The following ABCD2 variants were observed in gnomAD, a reference collection of about 807,000 sequenced individuals.
ABCD2 encodes the protein ATP-binding cassette sub-family D member 2.
A neutral mutation model predicts 70.9 loss-of-function variants in ABCD2; 36 were observed. The ratio of observed to expected loss-of-function variants is 0.51; its 90% CI spans 0.39 to 0.67. ABCD2 has a LOEUF of 0.67. Among genes scored for constraint, ABCD2 ranks in the 30% least tolerant of loss-of-function variants. The pLI, the probability that ABCD2 is intolerant of heterozygous loss-of-function variation, is 0.00. For synonymous variants in ABCD2, 304 were observed against 306.9 expected (o/e 0.99, Z 0.10); for missense variants, 729 against 890.2 (o/e 0.82, Z 2.30).
chr12:39,552,080 T>C lies in ABCD2; in HGVS notation c.*1832A>G, dbSNP rs1370881743. ...AAAAAATCTTTAATTCCTGCCTCAC[T>C]TTTCTAACAGGAAATATTAGTAACT... On this transcript the variant is annotated 3_prime_UTR_variant, in exon 10 of 10. Coordinates refer to ENST00000308666, the MANE Select transcript of ABCD2 (RefSeq NM_005164.4). 1 of 151,896 alleles carries C rather than the reference T, an allele frequency of 6.6e-6. No homozygotes were observed. The highest frequency in any genetic ancestry group is 1.5e-5 in the Non-Finnish European group (1 of 67,810). The allele number at this position is 151,896 out of a possible 1,614,324, so 9.4% of individuals were successfully genotyped here. A position where few individuals can be genotyped will look rare whatever the true frequency, so the allele number is the denominator to read the frequency against.
chr12:39,558,051 G>C (rs1941196354), intron 9 of ABCD2, among the ~76,000 whole-genome samples: 1 of 152,220 alleles, frequency 6.6e-6, no homozygotes. Context: ...AAAAGCAGCA[G>C]ACACTCAATG....
At chr12:39,591,515 C>T (rs967881136) in intron 6 of ABCD2, among the ~76,000 whole-genome samples, 1 of 152,008 alleles carries the variant, frequency 6.6e-6, no homozygotes, top group Admixed American at 6.6e-5. Context: ...AGTTTGAGAC[C>T]AGCCTGCTCA....
intron 7 of ABCD2, among the ~76,000 whole-genome samples, chr12:39,579,920 C>T (rs1489263116): frequency 6.6e-6 from 1 of 152,078 alleles, no homozygotes; most frequent in Non-Finnish European, 1.5e-5. Flanking sequence ...TAGGCTTATA[C>T]TTATCTTGGA....
At chr12:39,606,230 G>T (rs1941967474) in intron 3 of ABCD2, among the ~76,000 whole-genome samples, 1 of 152,072 alleles carries the variant, frequency 6.6e-6, no homozygotes, top group Admixed American at 6.6e-5. Context: ...AACTAAGAAT[G>T]TGCCGGTAGA....
chr12:39,555,093 G>A (rs1011185770), intron 9 of ABCD2, among the ~76,000 whole-genome samples: 2 of 151,950 alleles, frequency 1.3e-5, no homozygotes, highest in African/African-American at 4.8e-5. Flanking sequence ...AAAATTCGAT[G>A]ATTCTTAGCA....
the ABCD2 span, among the ~76,000 whole-genome samples, chr12:39,538,652 A>T: frequency 6.6e-6 from 1 of 152,042 alleles, no homozygotes; most frequent in Admixed American, 6.6e-5. Flanking sequence ...ATAGGGGATA[A>T]GTGAGAAATT....
Position 39,617,006 on chromosome 12 carries a change from T to C in ABCD2, c.1102A>G (p.Thr368Ala). 6.3e-7 allele frequency: 1 copy of C among 1,594,430 alleles called. No homozygotes were observed. Among genetic ancestry groups the C allele is most frequent in the Non-Finnish European group, 8.5e-7 (1 of 1,173,656 alleles). ...IMVAIPIITATGFADGEDGQK... is the reference protein window; with the variant it reads ...IMVAIPIITAAGFADGEDGQK... ...TCATTACCACCATCTGCAAAGCCAGTTGCAGTGATAATAGGTATAGCCACC... is the reference window on the plus strand; with the variant it reads ...TCATTACCACCATCTGCAAAGCCAGCTGCAGTGATAATAGGTATAGCCACC... The change falls in exon 2 of 10, where the codon ACT becomes GCT. Residue 368 changes from threonine to alanine, a missense_variant. Physicochemically the swap from Thr to Ala is moderately conservative, Grantham distance 58 (BLOSUM62 0). This residue lies in a region of ABCD2 where 195 missense variants were observed against 300.2 expected (regional missense o/e 0.65). Transcript: ENST00000308666.
At chr12:39,580,709 AT>A (rs1231633765) in intron 7 of ABCD2, among the ~76,000 whole-genome samples, 1 of 152,194 alleles carries the variant, frequency 6.6e-6, no homozygotes, top group Non-Finnish European at 1.5e-5. Context: ...AACCTAACAG[AT>A]ACTTACAGCA....
At chr12:39,582,860 ATT>A (rs768887989) in intron 7 of ABCD2, among the ~76,000 whole-genome samples, 25 of 143,044 alleles carry the variant, frequency 1.7e-4, no homozygotes, top group Admixed American at 4.9e-4. Flanking sequence ...TTAGCTACTA[ATT>A]TTTTTTTTTT....
At chr12:39,547,704 C>T (rs1262329333), downstream of ABCD2, among the ~76,000 whole-genome samples, 1 of 151,940 alleles carries the variant, frequency 6.6e-6, no homozygotes, top group Non-Finnish European at 1.5e-5. Flanking sequence ...TTCAGATCTG[C>T]CAGATAAAGT....
chr12:39,553,718 ACTG>A lies in ABCD2; in HGVS notation c.*191_*193del. 1.8e-6 allele frequency: 1 copy of A among 558,932 alleles called. No homozygotes were observed. The highest frequency in any genetic ancestry group is 3.2e-6 in the Non-Finnish European group (1 of 316,620). 34.6% of individuals were successfully genotyped at this position (558,932 alleles called of 1,614,324 possible). On this transcript the variant is annotated 3_prime_UTR_variant, in exon 10 of 10. Transcript: ENST00000308666. ...CTAGGAATTAGTATAAGTCATAATG[ACTG>A]ACCTTACATAATGCATTTGTTTATT...
chr12:39,590,987 A>G (rs1248883540), intron 6 of ABCD2, among the ~76,000 whole-genome samples: 1 of 152,182 alleles, frequency 6.6e-6, no homozygotes, highest in Non-Finnish European at 1.5e-5. Flanking sequence ...ATGCAGAGAA[A>G]ACAAATTTTT....
chr12:39,597,331 A>G (rs1016871624), intron 6 of ABCD2, among the ~76,000 whole-genome samples: 3 of 152,212 alleles, frequency 2.0e-5, no homozygotes, highest in Non-Finnish European at 4.4e-5. Flanking sequence ...AAATTTTGTT[A>G]GCAGGTGAAC....
chr12:39,607,177 A>G (rs998780276), intron 3 of ABCD2, among the ~76,000 whole-genome samples: 1 of 152,232 alleles, frequency 6.6e-6, no homozygotes, highest in Admixed American at 6.5e-5. Context: ...AATTTTCTAC[A>G]TGTATCAACT....
At chr12:39,582,023 A>G (rs1941602612) in intron 7 of ABCD2, among the ~76,000 whole-genome samples, 1 of 152,226 alleles carries the variant, frequency 6.6e-6, no homozygotes, top group African/African-American at 2.4e-5. Context: ...TATACCAACC[A>G]AAGGATTAGC....
At chr12:39,556,279 G>C (rs1941163911) in intron 9 of ABCD2, among the ~76,000 whole-genome samples, 2 of 152,150 alleles carry the variant, frequency 1.3e-5, no homozygotes, top group Non-Finnish European at 2.9e-5. Flanking sequence ...TAAGCTTAAT[G>C]AATAATATGG....
rs1591960020 is a variant in ABCD2 at position 39,550,295 on chromosome 12, A to T, written c.*3617T>A. On this transcript the variant is annotated 3_prime_UTR_variant, in exon 10 of 10. Coordinates refer to ENST00000308666, the MANE Select transcript of ABCD2 (RefSeq NM_005164.4). Reference sequence around the variant, plus strand: ...GGAATAATTTGTAATTCCTTTGATTAATCTAGTCTTTTTCTTAATGGTTAA... The same window carrying T: ...GGAATAATTTGTAATTCCTTTGATTTATCTAGTCTTTTTCTTAATGGTTAA... The T allele has an allele frequency of 1.3e-5, 2 of 151,684 alleles. No individual in the cohort carries two copies. The highest frequency in any genetic ancestry group is 3.8e-4 in the East Asian group (2 of 5,204). 9.4% of individuals were successfully genotyped at this position (151,684 alleles called of 1,614,324 possible).
chr12:39,573,597 A>G (rs1214893832), intron 9 of ABCD2, 119 bp downstream of exon 9: 8 of 1,102,714 alleles, frequency 7.3e-6, no homozygotes, highest in Non-Finnish European at 9.9e-6. Flanking sequence ...ACTTAAGAGA[A>G]ATATGGGTAG....
intron 8 of ABCD2, 54 bp downstream of exon 8, chr12:39,579,481 G>T: frequency 7.9e-7 from 1 of 1,270,460 alleles, no homozygotes; most frequent in Non-Finnish European, 1.1e-6. Context: ...TCCTATTGTT[G>T]CTTGGTTTGG....
Sources: allele counts gnomAD v4.1 joint callset (sites outside exome capture counted in the v4.1 genomes callset), GRCh38; gene constraint gnomAD v4.1.1; regional missense constraint gnomAD v4.1.1; transcripts MANE v1.5; gene names NCBI Gene and HGNC (gene_info 2026-07-23, HGNC 2026-07-21).